ITGA4: variants seen among roughly 807,000 people sequenced by gnomAD.
ITGA4 encodes the protein integrin subunit alpha 4, also known as integrin alpha-4.
In ITGA4, 63 loss-of-function variants were observed where a neutral mutation model predicts 133.6. That is an observed-to-expected ratio of 0.47 (90% CI 0.38 to 0.58). The LOEUF (loss-of-function observed/expected upper bound fraction) is 0.58. Among genes scored for constraint, ITGA4 ranks in the 20% least tolerant of loss-of-function variants. The pLI, the probability that ITGA4 is intolerant of heterozygous loss-of-function variation, is 0.00. For missense variants in ITGA4, 1,076 were observed against 1,252.7 expected, an observed-to-expected ratio of 0.86 and a Z score of 2.13; for synonymous variants, 483 against 438.0, an observed-to-expected ratio of 1.10 and a Z score of -1.28.
chr2:181,521,044 A>C (rs1483140436), intron 17 of ITGA4, among the ~76,000 whole-genome samples: 2 of 151,944 alleles, frequency 1.3e-5, no homozygotes, highest in African/African-American at 4.9e-5. Context: ...TTTGAATGAC[A>C]CAATTTAAAC....
Position 181,513,147 on chromosome 2 carries a change from C to T in ITGA4, c.1922+1372C>T, listed in dbSNP as rs545803679. Among the ~76,000 whole-genome samples, 26 of 152,072 alleles carry T rather than the reference C, an allele frequency of 1.7e-4. 1 individual carries two copies. The Middle Eastern group carries it at 0.014, about 80-fold the overall frequency. On this transcript the variant is annotated intron_variant, in intron 17 of 27. Transcript: ENST00000397033. ...GTTTTTGATGGATCTTTGGGTTTGG[C>T]ACCCTAAATGGTCCTCCCTCAGCCC...
At chr2:181,479,243 T>C (rs1685747900) in intron 5 of ITGA4, 1 of 152,582 alleles carries the variant, frequency 6.6e-6, no homozygotes, top group East Asian at 1.9e-4. Context: ...AAGAATTTAA[T>C]ATCCCCTTAA....
chr2:181,458,716 A>C, intron 2 of ITGA4: 1 of 184,890 alleles, frequency 5.4e-6, no homozygotes, highest in Non-Finnish European at 1.2e-5. Flanking sequence ...AGAACAGGCT[A>C]AGGAGCATAT....
intron 10 of ITGA4, among the ~76,000 whole-genome samples, chr2:181,491,789 C>T (rs1686053540): frequency 6.6e-6 from 1 of 152,182 alleles, no homozygotes; most frequent in South Asian, 2.1e-4. Context: ...CCTTACCATT[C>T]CTGCTCCTCT....
At chr2:181,509,492 G>T (rs1309827472) in intron 15 of ITGA4, among the ~76,000 whole-genome samples, 166 bp from the exon 16 acceptor site, 1 of 151,924 alleles carries the variant, frequency 6.6e-6, no homozygotes, top group Non-Finnish European at 1.5e-5. Flanking sequence ...GATTTTGTGT[G>T]ATATGAAAAA....
intron 15 of ITGA4, among the ~76,000 whole-genome samples, chr2:181,500,510 G>A (rs573723585): frequency 3.3e-5 from 5 of 152,232 alleles, no homozygotes; most frequent in South Asian, 4.1e-4. Flanking sequence ...AAAAGAAGAC[G>A]CATAGCGGTT....
chr2:181,498,776 G>A lies in ITGA4; in HGVS notation c.1694G>A (p.Arg565Gln), dbSNP rs202189590. The A allele has an allele frequency of 6.9e-6, 11 of 1,588,202 alleles. No homozygotes were observed. The highest frequency in any genetic ancestry group is 1.2e-5 in the South Asian group (1 of 85,508). ...ANCRTHQAFM[R>Q]KDVRDILTPI... ...TGTAGAACACATCAAGCATTTATGCGGGTAATGTAAGCTATTTTTTATTAA... is the reference window on the plus strand; with the variant it reads ...TGTAGAACACATCAAGCATTTATGCAGGTAATGTAAGCTATTTTTTATTAA... The change falls in exon 15 of 28, where the codon CGG becomes CAG. Residue 565 changes from arginine (R) to glutamine (Q), a missense_variant and splice_region_variant. Coordinates refer to ENST00000397033, the MANE Select transcript of ITGA4 (RefSeq NM_000885.6).
intron 10 of ITGA4, among the ~76,000 whole-genome samples, chr2:181,492,672 A>T (rs1288453583): frequency 1.3e-5 from 2 of 152,176 alleles, no homozygotes; most frequent in African/African-American, 4.8e-5. Context: ...ATAGTCTGAC[A>T]TAATTATCAA....
rs202094226 is a variant in ITGA4 at position 181,481,695 on chromosome 2, A to G, written c.840+12A>G. 11 of 1,388,200 alleles carry G rather than the reference A, an allele frequency of 7.9e-6. No homozygotes were observed. Among genetic ancestry groups the G allele is most frequent in the Non-Finnish European group, 1.1e-5 (11 of 984,902 alleles). The allele number at this position is 1,388,200 out of a possible 1,614,324, so 86.0% of individuals were successfully genotyped here. ...AGCAGATTGGTAAGGTAAGAATTACATTTTTATATTTATTTCTTCACAAAG... is the reference window on the plus strand; with the variant it reads ...AGCAGATTGGTAAGGTAAGAATTACGTTTTTATATTTATTTCTTCACAAAG... On this transcript the variant is annotated intron_variant, in intron 7 of 27. Coordinates refer to ENST00000397033, the MANE Select transcript of ITGA4 (RefSeq NM_000885.6).
rs200955253 is a variant in ITGA4, at chr2:181,458,249, A to G, written c.251A>G (p.Asn84Ser). ...ANWLANASVINPGAIYRCRIG... is the reference protein window; with the variant it reads ...ANWLANASVISPGAIYRCRIG... ...TGGCTCGCCAACGCTTCAGTGATCA[A>G]TCCCGGGGCGATTTACAGATGCAGG... The change falls in exon 2 of 28, where the codon AAT becomes AGT. Residue 84 changes from asparagine to serine, a missense_variant. Physicochemically the swap from Asn to Ser is conservative, Grantham distance 46. This residue lies in a region of ITGA4 where 436 missense variants were observed against 590.7 expected (regional missense o/e 0.74). Coordinates refer to ENST00000397033, the MANE Select transcript of ITGA4 (RefSeq NM_000885.6). The G allele has an allele frequency of 2.8e-5, 45 of 1,613,602 alleles. No homozygotes were observed. In the East Asian group the frequency reaches 9.1e-4, roughly 33 times the overall value.
In ITGA4 at chr2:181,457,700, G is replaced by C. The variant is rs200117078; in HGVS notation, c.46G>C (p.Val16Leu). 7.4e-6 allele frequency: 12 copies of C among 1,611,960 alleles called. No individual in the cohort carries two copies. Among genetic ancestry groups the C allele is most frequent in the Non-Finnish European group, 1.0e-5 (12 of 1,179,598 alleles). ...RREPGPRRAA[V>L]RETVMLLLCL... is the part of the protein sequence containing the mutation. ...CGAACCCGGCCCCCGAAGGGCCGCC[G>C]TCCGGGAGACGGTGATGCTGTTGCT... Residue 16 changes from valine to leucine, a missense_variant, in exon 1 of 28, where the codon GTC becomes CTC. Coordinates refer to ENST00000397033, the MANE Select transcript of ITGA4 (RefSeq NM_000885.6).
rs755182383 is a variant in ITGA4 at position 181,529,645 on chromosome 2, C to T, written c.2535C>T (p.Val845=). The part of the protein sequence containing the change: ...QTDKLFNILD[V]QTTTGECHFE... ...ATAAGCTGTTCAACATTTTGGATGT[C>T]CAGGTAAAAATGTATTTCTTCCATC... is the stretch of plus-strand genomic sequence containing the variant. The change falls in exon 23 of 28, where the codon GTC becomes GTT. Residue 845 remains valine (V), a synonymous_variant. Coordinates refer to ENST00000397033, the MANE Select transcript of ITGA4 (RefSeq NM_000885.6). 3.3e-6 allele frequency: 5 copies of T among 1,520,810 alleles called. No homozygotes were observed. The South Asian group carries it at 4.5e-5, about 14-fold the overall frequency. The allele number at this position is 1,520,810 out of a possible 1,614,324, so 94.2% of individuals were successfully genotyped here. A position where few individuals can be genotyped will look rare whatever the true frequency, so the allele number is the denominator to read the frequency against.
Position 181,537,328 on chromosome 2 carries a change from T to G in ITGA4, c.*1801T>G. ...TCTGAGCACAGTGAAAGCAGAGTAC[T>G]ATGGTTGTCCAACACAGGCCTCTCA... On this transcript the variant is annotated 3_prime_UTR_variant, in exon 28 of 28. Coordinates refer to ENST00000397033, the MANE Select transcript of ITGA4 (RefSeq NM_000885.6). 2.2e-6 allele frequency: 1 copy of G among 453,788 alleles called. No individual in the cohort carries two copies. Among genetic ancestry groups the G allele is most frequent in the Non-Finnish European group, 4.4e-6 (1 of 226,682 alleles). 28.1% of individuals were successfully genotyped at this position (453,788 alleles called of 1,614,324 possible).
rs1315325932 is a variant in ITGA4, at chr2:181,523,207, CATATATACACACAT to C, written c.2074-224_2074-211del. 8.4e-6 allele frequency: 3 copies of C among 357,600 alleles called. No homozygotes were observed. The highest frequency in any genetic ancestry group is 1.6e-5 in the Non-Finnish European group (3 of 189,372). 22.2% of individuals were successfully genotyped at this position (357,600 alleles called of 1,614,324 possible). ...ACACATACACATATATATACACACACATATATACACACATATATACATACATATATATACACATA... is the reference window on the plus strand; with the variant it reads ...ACACATACACATATATATACACACACATATACATACATATATATACACATA... On this transcript the variant is annotated intron_variant, in intron 18 of 27. Transcript: ENST00000397033. The surrounding 1 kb of genome is among the most constrained non-coding windows in gnomAD (Gnocchi z 4.2).
At chr2:181,500,736 C>T (rs1375931704) in intron 15 of ITGA4, among the ~76,000 whole-genome samples, 1 of 151,214 alleles carries the variant, frequency 6.6e-6, no homozygotes, top group Non-Finnish European at 1.5e-5. Flanking sequence ...GTAGATGTCC[C>T]TACTGGCCAT....
Position 181,462,622 on chromosome 2 carries a change from A to G in ITGA4, c.319+4305A>G, listed in dbSNP as rs146637855. ...ATCCCTGAATGAAGGCTGTTATACA[A>G]TTATGTAGAAAATCAAGACAGAGAG... is the stretch of plus-strand genomic sequence containing the variant. On this transcript the variant is annotated intron_variant, in intron 2 of 27. Coordinates refer to ENST00000397033, the MANE Select transcript of ITGA4 (RefSeq NM_000885.6). Among the ~76,000 whole-genome samples, 694 of 152,282 alleles carry G rather than the reference A, an allele frequency of 4.6e-3. 6 individuals carry two copies. The highest frequency in any genetic ancestry group is 0.016 in the African/African-American group (668 of 41,566).
intron 2 of ITGA4, among the ~76,000 whole-genome samples, chr2:181,468,947 A>G (rs1016953169): frequency 1.7e-4 from 26 of 152,212 alleles, no homozygotes; most frequent in Admixed American, 1.6e-3. Context: ...GACCTCTTTT[A>G]TGTTAAACCA....
chr2:181,512,235 T>C (rs1324626095), intron 17 of ITGA4, among the ~76,000 whole-genome samples: 1 of 151,950 alleles, frequency 6.6e-6, no homozygotes, highest in African/African-American at 2.4e-5. Context: ...AATGAACACT[T>C]CAGGTTGAGG....
rs1314499753 is a variant in ITGA4, at chr2:181,538,210, T to A, written c.*2683T>A. ...TACTTTGGAATCATTTCTTCCATGC[T>A]TCCTCCATAAAGACTGATAAGTCTT... On this transcript the variant is annotated 3_prime_UTR_variant, in exon 28 of 28. Transcript: ENST00000397033. 2.5e-6 allele frequency: 4 copies of A among 1,587,158 alleles called. No homozygotes were observed. The highest frequency in any genetic ancestry group is 3.5e-6 in the Non-Finnish European group (4 of 1,156,546).
Sources: gnomAD v4.1 joint callset for allele counts (sites outside exome capture counted in the v4.1 genomes callset) on GRCh38, gnomAD v4.1.1 for gene constraint, gnomAD v4.1.1 regional missense constraint, Gnocchi (gnomAD v3.1) non-coding constraint, MANE v1.5 for transcripts, NCBI Gene and HGNC (gene_info 2026-07-23, HGNC 2026-07-21) for gene names.